Variants in RPGRIP1 observed in about 807,000 individuals in gnomAD.
The protein encoded by RPGRIP1 is RPGR interacting protein 1, also known as X-linked retinitis pigmentosa GTPase regulator-interacting protein 1.
RPGRIP1 carries 128 observed loss-of-function variants against 157.9 expected under a neutral mutation model. The observed-to-expected ratio is 0.81, with a 90% CI of 0.70 to 0.94. The LOEUF is 0.94. RPGRIP1 is among the 40% of genes least tolerant of loss of function. The pLI is 0.00. For missense variants in RPGRIP1, 1,486 were observed against 1,545.8 expected, an observed-to-expected ratio of 0.96 and a Z score of 0.65; for synonymous variants, 554 against 571.6, an observed-to-expected ratio of 0.97 and a Z score of 0.44.
chr14:21,286,138 C>T (rs1013166497), intron 1 of RPGRIP1, among the ~76,000 whole-genome samples: 4 of 151,968 alleles, frequency 2.6e-5, no homozygotes, highest in African/African-American at 4.8e-5. Context: ...TAAAGGCACC[C>T]GCCACCACGC....
intron 3 of RPGRIP1, among the ~76,000 whole-genome samples, chr14:21,300,243 TG>T (rs1880965313): frequency 6.7e-6 from 1 of 149,346 alleles, no homozygotes; most frequent in South Asian, 2.1e-4. Context: ...AGGCAGAGGT[TG>T]TGGTGAGCTG....
chr14:21,345,821 A>G (rs1178488012), intron 23 of RPGRIP1, among the ~76,000 whole-genome samples: 1 of 150,048 alleles, frequency 6.7e-6, no homozygotes, highest in East Asian at 2.0e-4. Flanking sequence ...AAAAGTGTTG[A>G]CATTCTTCTT....
chr14:21,350,396 A>C (rs1287440053), intron 24 of RPGRIP1, among the ~76,000 whole-genome samples: 1 of 114,064 alleles, frequency 8.8e-6, no homozygotes, highest in Non-Finnish European at 2.0e-5. Flanking sequence ...AAAAAAAAAA[A>C]GAAAACAGGA....
chr14:21,320,995 A>C (rs2139206852), intron 12 of RPGRIP1, among the ~76,000 whole-genome samples: 1 of 152,334 alleles, frequency 6.6e-6, no homozygotes, highest in East Asian at 1.9e-4. Context: ...CATAAAATTT[A>C]GAATCTTTTT....
At chr14:21,350,043 G>C (rs1868687503) in intron 24 of RPGRIP1, among the ~76,000 whole-genome samples, 1 of 152,042 alleles carries the variant, frequency 6.6e-6, no homozygotes, top group South Asian at 2.1e-4. Context: ...AAATCACAAG[G>C]AAATTTGAAA....
At chr14:21,311,308 T>C (rs180814880) in intron 8 of RPGRIP1, among the ~76,000 whole-genome samples, 1 of 152,282 alleles carries the variant, frequency 6.6e-6, no homozygotes, top group East Asian at 1.9e-4. Flanking sequence ...TCCCAGCACT[T>C]GGGGAGGCGG....
chr14:21,327,951 C>T, intron 18 of RPGRIP1, 144 bp downstream of exon 18: 1 of 596,734 alleles, frequency 1.7e-6, no homozygotes, highest in Non-Finnish European at 2.7e-6. Flanking sequence ...GGCGAATTAC[C>T]TGAGGTCAGG....
At position 21,351,226 on chromosome 14, in the gene RPGRIP1, T is replaced by C. The variant is rs80191010; in HGVS notation, c.*10T>C. The C allele has an allele frequency of 2.9e-3, 4,322 of 1,508,004 alleles. 122 individuals are homozygous for C. The African/African-American group carries it at 0.051, about 18-fold the overall frequency. 93.4% of individuals were successfully genotyped at this position (1,508,004 alleles called of 1,614,324 possible). On this transcript the variant is annotated 3_prime_UTR_variant, in exon 25 of 25. Coordinates refer to ENST00000400017, the MANE Select transcript of RPGRIP1 (RefSeq NM_020366.4). ...AGATTTGTTTTCATGAAGGAACAAG[T>C]GCTATTCCAATCTAAAAGTCTCTGA...
At chr14:21,347,601 G>T (rs776491662) in intron 23 of RPGRIP1, among the ~76,000 whole-genome samples, 12 of 152,088 alleles carry the variant, frequency 7.9e-5, no homozygotes, top group Non-Finnish European at 1.6e-4. Context: ...ACCAATATTT[G>T]CTTTTAAAAA....
intron 10 of RPGRIP1, among the ~76,000 whole-genome samples, chr14:21,314,231 C>T (rs376632415): frequency 1.3e-5 from 2 of 151,840 alleles, no homozygotes; most frequent in Admixed American, 6.6e-5. Flanking sequence ...CACAGCCACA[C>T]GCCACCACAC....
intron 23 of RPGRIP1, among the ~76,000 whole-genome samples, chr14:21,347,347 C>T (rs377681283): frequency 4.6e-5 from 7 of 152,132 alleles, no homozygotes; most frequent in East Asian, 3.9e-4. Context: ...GTATTGTGCC[C>T]GGCACATTGT....
intron 14 of RPGRIP1, chr14:21,323,999 C>T (rs1214112481): frequency 1.9e-5 from 3 of 156,650 alleles, no homozygotes; most frequent in Admixed American, 1.2e-4. Context: ...TCTTTGCGTC[C>T]CACTGCCAAT....
At position 21,351,249 on chromosome 14, in the gene RPGRIP1, T is replaced by C; in HGVS notation, c.*33T>C. On this transcript the variant is annotated 3_prime_UTR_variant, in exon 25 of 25. Coordinates refer to ENST00000400017, the MANE Select transcript of RPGRIP1 (RefSeq NM_020366.4). Reference sequence around the variant, plus strand: ...AGTGCTATTCCAATCTAAAAGTCTCTGAGGGAACCATAGTAAAAAGTCTCT... The same window carrying C: ...AGTGCTATTCCAATCTAAAAGTCTCCGAGGGAACCATAGTAAAAAGTCTCT... 3.7e-6 allele frequency: 5 copies of C among 1,338,558 alleles called. No homozygotes were observed. The highest frequency in any genetic ancestry group is 5.3e-6 in the Non-Finnish European group (5 of 943,796). The allele number at this position is 1,338,558 out of a possible 1,614,324, so 82.9% of individuals were successfully genotyped here.
intron 1 of RPGRIP1, among the ~76,000 whole-genome samples, chr14:21,282,328 C>T (rs1231651027): frequency 6.6e-6 from 1 of 151,960 alleles, no homozygotes; most frequent in Non-Finnish European, 1.5e-5. Flanking sequence ...TCTCTGCCTC[C>T]CAGGTTCAAG....
At chr14:21,280,644 C>T (rs1037172526) in intron 1 of RPGRIP1, among the ~76,000 whole-genome samples, 4 of 152,162 alleles carry the variant, frequency 2.6e-5, no homozygotes, top group African/African-American at 7.2e-5. Context: ...CTCTATCTCA[C>T]GTCCAACCAG....
intron 10 of RPGRIP1, among the ~76,000 whole-genome samples, chr14:21,314,461 A>C (rs559683902): frequency 2.6e-5 from 4 of 152,200 alleles, no homozygotes; most frequent in Non-Finnish European, 5.9e-5. Context: ...ATTAAAAAGA[A>C]CTGGAAGTGG....
chr14:21,299,171 A>G (rs1159016771), intron 3 of RPGRIP1, among the ~76,000 whole-genome samples: 1 of 151,874 alleles, frequency 6.6e-6, no homozygotes, highest in African/African-American at 2.4e-5. Context: ...ATGTGCCACC[A>G]CGTGCAGCTA....
chr14:21,351,029 C>T (rs1886223292), intron 24 of RPGRIP1, 75 bp from the exon 25 acceptor site: 5 of 762,214 alleles, frequency 6.6e-6, no homozygotes, highest in Admixed American at 2.7e-5. Context: ...TTAGCATCCC[C>T]AGTACCTAAC....
In RPGRIP1 at chr14:21,298,465, A is replaced by C. The variant is rs1329176163; in HGVS notation, c.219-2501A>C. ...TAGTAAGCAAGGATTGCGCCACTGC[A>C]CTCCAGGCTGAGTGACAGAGTGAGA... On this transcript the variant is annotated intron_variant, in intron 3 of 24. Transcript: ENST00000400017. Among the ~76,000 whole-genome samples the C allele has an allele frequency of 2.6e-5, 4 of 151,808 alleles. 1 individual carries two copies. Among genetic ancestry groups the C allele is most frequent in the Middle Eastern group, 6.8e-3 (2 of 294 alleles).
Sources: gnomAD v4.1 joint callset for allele counts (sites outside exome capture counted in the v4.1 genomes callset) on GRCh38, gnomAD v4.1.1 for gene constraint, MANE v1.5 for transcripts, NCBI Gene and HGNC (gene_info 2026-07-23, HGNC 2026-07-21) for gene names.